Variants in TM2D2 observed in about 807,000 individuals in gnomAD.
TM2D2 encodes the protein TM2 domain containing 2.
A neutral mutation model predicts 23.0 loss-of-function variants in TM2D2; 19 were observed. The observed-to-expected ratio is 0.82, with a 90% CI of 0.58 to 1.21. TM2D2 has a LOEUF of 1.21. Among genes scored for constraint, TM2D2 ranks in the 50% most tolerant of loss-of-function variants. The probability of loss-of-function intolerance (pLI) is 0.00; values close to 1 mark genes in which losing one functional copy is unlikely to be tolerated. For synonymous variants in TM2D2, 120 were observed against 108.8 expected, an observed-to-expected ratio of 1.10 and a Z score of -0.64; for missense variants, 246 against 265.4, an observed-to-expected ratio of 0.93 and a Z score of 0.51.
intron 3 of TM2D2, among the ~76,000 whole-genome samples, chr8:38,992,251 A>C (rs1312687250): frequency 7.3e-6 from 1 of 136,474 alleles, no homozygotes; most frequent in African/African-American, 2.7e-5. Flanking sequence ...GGACCACTTG[A>C]GCCCAGGTGC....
At chr8:38,991,616 T>A in intron 3 of TM2D2, 71 bp from the exon 4 acceptor site, 1 of 1,194,918 alleles carries the variant, frequency 8.4e-7, no homozygotes, top group Non-Finnish European at 1.2e-6. Flanking sequence ...TTAGTGAATT[T>A]AACGTAAGTG....
At chr8:38,995,203 T>C in intron 2 of TM2D2, 115 bp downstream of exon 2, 1 of 762,280 alleles carries the variant, frequency 1.3e-6, no homozygotes, top group Non-Finnish European at 2.1e-6. Flanking sequence ...AGTAACGGTC[T>C]TTCTGAGGAA....
In TM2D2 at chr8:38,988,930, A is replaced by G. The variant is rs1268331456; in HGVS notation, c.*2402T>C. The G allele has an allele frequency of 6.6e-6, 1 of 152,246 alleles. No individual in the cohort carries two copies. The highest frequency in any genetic ancestry group is 1.5e-5 in the Non-Finnish European group (1 of 68,036). The allele number at this position is 152,246 out of a possible 1,614,324, so 9.4% of individuals were successfully genotyped here. A position where few individuals can be genotyped will look rare whatever the true frequency, so the allele number is the denominator to read the frequency against. ...AACCTTCTCTATAGCCATAAACTAG[A>G]TATAACACACACATATACAAATGGA... On this transcript the variant is annotated 3_prime_UTR_variant, in exon 4 of 4. Coordinates refer to ENST00000456397, the MANE Select transcript of TM2D2 (RefSeq NM_078473.3).
chr8:38,989,183 CTTCTT>C lies in TM2D2; in HGVS notation c.*2144_*2148del, dbSNP rs1197745419. 2 of 152,234 alleles carry C rather than the reference CTTCTT, an allele frequency of 1.3e-5. No homozygotes were observed. The highest frequency in any genetic ancestry group is 2.1e-4 in the South Asian group (1 of 4,834). 9.4% of individuals were successfully genotyped at this position (152,234 alleles called of 1,614,324 possible). A position where few individuals can be genotyped will look rare whatever the true frequency, so the allele number is the denominator to read the frequency against. On this transcript the variant is annotated 3_prime_UTR_variant, in exon 4 of 4. Coordinates refer to ENST00000456397, the MANE Select transcript of TM2D2 (RefSeq NM_078473.3). ...ATTACCACTCTAGCAGCGAGAACAA[CTTCTT>C]TTGTCTCCAGCAGCTTTACTGACAG...
intron 2 of TM2D2, 148 bp downstream of exon 2, chr8:38,995,170 C>G: frequency 1.6e-6 from 1 of 621,112 alleles, no homozygotes; most frequent in Non-Finnish European, 2.7e-6. Context: ...CAGTCACTGA[C>G]CCTGGCCATA....
rs1354260168 is a variant in TM2D2, at chr8:38,989,953, C to A, written c.*1379G>T. 1.3e-5 allele frequency: 2 copies of A among 151,918 alleles called. No individual in the cohort carries two copies. The highest frequency in any genetic ancestry group is 3.8e-4 in the East Asian group (2 of 5,204). The allele number at this position is 151,918 out of a possible 1,614,324, so 9.4% of individuals were successfully genotyped here. A position where few individuals can be genotyped will look rare whatever the true frequency, so the allele number is the denominator to read the frequency against. On this transcript the variant is annotated 3_prime_UTR_variant, in exon 4 of 4. Transcript: ENST00000456397. The stretch of plus-strand genomic sequence containing the variant: ...GGGAGAGGGTCTAGTTTCTTCATGA[C>A]CCATAAAAATTTAATAAATACTATC...
Position 38,996,497 on chromosome 8 carries a change from A to C in TM2D2, c.-58T>G. On this transcript the variant is annotated 5_prime_UTR_variant, in exon 1 of 4. Transcript: ENST00000456397. ...AACCACAACCCCAGGCCAGCAGCAC[A>C]GACCCAAGAACTGCGTGGTCAGGCC... The C allele has an allele frequency of 6.2e-7, 1 of 1,604,916 alleles. No individual in the cohort carries two copies. The highest frequency in any genetic ancestry group is 2.2e-5 in the East Asian group (1 of 44,670).
chr8:38,995,680 C>G (rs1835750598), intron 1 of TM2D2: 3 of 1,327,636 alleles, frequency 2.3e-6, no homozygotes, highest in Non-Finnish European at 2.9e-6. Context: ...CTTCAGTAGG[C>G]AAACAACAAG....
chr8:38,993,801 A>G, intron 2 of TM2D2, 141 bp from the exon 3 acceptor site: 1 of 533,012 alleles, frequency 1.9e-6, no homozygotes, highest in Non-Finnish European at 3.4e-6. Flanking sequence ...GCTGTGCTCA[A>G]GGGCAAGGAA....
Position 38,996,248 on chromosome 8 carries a change from G to T in TM2D2, c.192C>A (p.Gly64=). 1 of 1,613,778 alleles carries T rather than the reference G, an allele frequency of 6.2e-7. No individual in the cohort carries two copies. Among genetic ancestry groups the T allele is most frequent in the Middle Eastern group, 1.7e-4 (1 of 6,058 alleles). Residue 64 remains glycine, a synonymous_variant, in exon 1 of 4, where the codon GGC becomes GGA. Coordinates refer to ENST00000456397, the MANE Select transcript of TM2D2 (RefSeq NM_078473.3). The part of the protein sequence containing the change: ...GPGGAASWEY[G]DPHSPVILCS... ...AGAGGATGACCGGAGAGTGGGGGTC[G>T]CCATATTCCCAGCTCGCAGCACCCC... is the stretch of plus-strand genomic sequence containing the variant.
intron 3 of TM2D2, 29 bp downstream of exon 3, chr8:38,993,516 C>G: frequency 6.5e-7 from 1 of 1,534,932 alleles, no homozygotes; most frequent in Non-Finnish European, 9.0e-7. Flanking sequence ...CAACCAAGTA[C>G]CAACTACTCC....
intron 1 of TM2D2, chr8:38,995,818 G>A: frequency 8.3e-7 from 1 of 1,210,842 alleles, no homozygotes. Flanking sequence ...AATATTGATT[G>A]CTTTTTTAAA....
chr8:38,995,458 C>T, intron 1 of TM2D2, 53 bp from the exon 2 acceptor site: 1 of 1,599,580 alleles, frequency 6.3e-7, no homozygotes, highest in Admixed American at 1.8e-5. Context: ...TTGCAAATCG[C>T]TGTTTGCATG....
intron 1 of TM2D2, chr8:38,995,797 G>A (rs1835756255): frequency 8.1e-7 from 1 of 1,235,112 alleles, no homozygotes; most frequent in African/African-American, 1.6e-5. Context: ...GCGTGATTCT[G>A]CAACGGTAAG....
At position 38,991,231 on chromosome 8, in the gene TM2D2, T is replaced by A. The variant is rs547752295; in HGVS notation, c.*101A>T. The A allele has an allele frequency of 2.4e-5, 24 of 1,001,674 alleles. No individual in the cohort carries two copies. The East Asian group carries it at 5.8e-4, about 24-fold the overall frequency. 62.0% of individuals were successfully genotyped at this position (1,001,674 alleles called of 1,614,324 possible). A position where few individuals can be genotyped will look rare whatever the true frequency, so the allele number is the denominator to read the frequency against. ...CAAATGCCCTCCAAAAGAAGGAAAA[T>A]AACATCAGGTCTGATATCAAAGAGG... On this transcript the variant is annotated 3_prime_UTR_variant, in exon 4 of 4. Coordinates refer to ENST00000456397, the MANE Select transcript of TM2D2 (RefSeq NM_078473.3).
At chr8:38,995,819 C>T in intron 1 of TM2D2, 3 of 1,211,974 alleles carry the variant, frequency 2.5e-6, no homozygotes, top group Non-Finnish European at 3.1e-6. Context: ...ATATTGATTG[C>T]TTTTTTAAAA....
rs1057246265 is a variant in TM2D2 at position 38,995,314 on chromosome 8, T to C, written c.315+4A>G. 3 of 1,581,106 alleles carry C rather than the reference T, an allele frequency of 1.9e-6. No homozygotes were observed. Among genetic ancestry groups the C allele is most frequent in the African/African-American group, 2.8e-5 (2 of 72,592 alleles). ...TTTGCTCTTACGACAAAACAAAAACTCACCTTGAGACAACCATAACCAAGT... is the reference window on the plus strand; with the variant it reads ...TTTGCTCTTACGACAAAACAAAAACCCACCTTGAGACAACCATAACCAAGT... On this transcript the variant is annotated splice_donor_region_variant and intron_variant, in intron 2 of 3. Transcript: ENST00000456397.
rs7840270 is a variant in TM2D2 at position 38,996,464 on chromosome 8, C to A, written c.-25G>T. 652,707 of 1,612,466 alleles carry A rather than the reference C, an allele frequency of 0.4. 137,129 individuals carry two copies. Among genetic ancestry groups the A allele is most frequent in the East Asian group, 0.72 (32,397 of 44,822 alleles). On this transcript the variant is annotated 5_prime_UTR_variant, in exon 1 of 4. Coordinates refer to ENST00000456397, the MANE Select transcript of TM2D2 (RefSeq NM_078473.3). ...TCTTCCCGGGCACAGGAGCGGAGAC[C>A]CGGCCTCAACCACAACCCCAGGCCA... is the stretch of plus-strand genomic sequence containing the variant.
chr8:38,995,279 T>A (rs377504851), intron 2 of TM2D2, 39 bp downstream of exon 2: 1 of 1,401,386 alleles, frequency 7.1e-7, no homozygotes, highest in African/African-American at 1.5e-5. Context: ...CCTATTTCGT[T>A]ATCGAAGGGT....
Sources: allele counts gnomAD v4.1 joint callset (sites outside exome capture counted in the v4.1 genomes callset), GRCh38; gene constraint gnomAD v4.1.1; transcripts MANE v1.5; gene names NCBI Gene and HGNC (gene_info 2026-07-23, HGNC 2026-07-21).